SAXO2: variants seen among roughly 807,000 people sequenced by gnomAD.
SAXO2 encodes family with sequence similarity 154, member B.
Under a neutral mutation model 18.7 loss-of-function variants are expected in SAXO2, and 17 were observed. The observed-to-expected ratio is 0.91, with a 90% CI of 0.62 to 1.36. The LOEUF (loss-of-function observed/expected upper bound fraction) is 1.36. Among genes scored for constraint, SAXO2 ranks in the 40% most tolerant of loss-of-function variants. SAXO2 has a pLI of 0.00. For missense variants in SAXO2, 486 were observed against 562.6 expected, an observed-to-expected ratio of 0.86 and a Z score of 1.38; for synonymous variants, 163 against 181.2, an observed-to-expected ratio of 0.90 and a Z score of 0.81.
rs773608170 is a variant in SAXO2 at position 82,282,162 on chromosome 15, G to GC, written c.479dup (p.Glu161ArgfsTer20). The GC allele has an allele frequency of 6.1e-4, 990 of 1,613,718 alleles. 1 individual carries two copies. The highest frequency in any genetic ancestry group is 7.8e-4 in the Non-Finnish European group (918 of 1,179,862). ...ACCTTCATAAAAGTGAACTTTATAAGCCAGAACAAACTTACCACCCGCCTA... is the reference window on the plus strand; with the variant it reads ...ACCTTCATAAAAGTGAACTTTATAAGCCCAGAACAAACTTACCACCCGCCTA... On this transcript the variant is annotated frameshift_variant, in exon 4 of 4. Transcript: ENST00000682753. LOFTEE classifies it low-confidence loss of function (END_TRUNC).
At chr15:82,269,991 A>G (rs528057908) in intron 2 of SAXO2, among the ~76,000 whole-genome samples, 5 of 152,182 alleles carry the variant, frequency 3.3e-5, no homozygotes, top group Admixed American at 6.5e-5. Context: ...AAAGGACCAC[A>G]TTTATTGAGG....
At chr15:82,266,719 G>A (rs913388807) in intron 2 of SAXO2, among the ~76,000 whole-genome samples, 5 of 152,098 alleles carry the variant, frequency 3.3e-5, no homozygotes, top group Admixed American at 6.5e-5. Flanking sequence ...TTTCAGATTA[G>A]GTAAAATTCT....
At chr15:82,279,568 G>A (rs1244124627) in intron 3 of SAXO2, among the ~76,000 whole-genome samples, 4 of 152,200 alleles carry the variant, frequency 2.6e-5, no homozygotes, top group African/African-American at 9.6e-5. Context: ...GGTGTTTGAA[G>A]GGAGGTCTGA....
intron 3 of SAXO2, among the ~76,000 whole-genome samples, chr15:82,274,743 G>C (rs1279501573): frequency 2.0e-5 from 3 of 149,504 alleles, no homozygotes; most frequent in African/African-American, 7.4e-5. Flanking sequence ...TAAAAATAGA[G>C]ACACAACATA....
chr15:82,275,685 A>G (rs139703096), intron 3 of SAXO2, among the ~76,000 whole-genome samples: 2,718 of 152,324 alleles, frequency 0.018, 82 homozygotes, highest in African/African-American at 0.062. Context: ...TCATATGATC[A>G]TCTCAGTAGA....
In SAXO2 at chr15:82,278,801, ATAAC is replaced by A. The variant is rs1236340429; in HGVS notation, c.434-3314_434-3311del. Among the ~76,000 whole-genome samples the A allele has an allele frequency of 3.9e-5, 6 of 152,354 alleles. No individual in the cohort carries two copies. The South Asian group carries it at 8.3e-4, about 21-fold the overall frequency. On this transcript the variant is annotated intron_variant, in intron 3 of 3. Transcript: ENST00000682753. ...TGGAAATTAAACAGCAAAATCCTAA[ATAAC>A]TAATGGCTTTAAGCAAAAGTAACAA...
chr15:82,282,992 T>G lies in SAXO2; in HGVS notation c.1307T>G (p.Ile436Ser), dbSNP rs748348012. Reference sequence around the variant, plus strand: ...AGCTATCCCTCTCCTCCAGGTTATATTTTCGACAATACAAATTCCCAAGGT... The same window carrying G: ...AGCTATCCCTCTCCTCCAGGTTATAGTTTCGACAATACAAATTCCCAAGGT... ...PASYPSPPGY[I>S]FDNTNSQGHK... Residue 436 changes from isoleucine (I) to serine (S), a missense_variant, in exon 4 of 4, where the codon ATT (isoleucine) becomes AGT (serine). By Grantham distance (142) the Ile-to-Ser change is moderately radical. Transcript: ENST00000682753. 12 of 1,614,042 alleles carry G rather than the reference T, an allele frequency of 7.4e-6. No individual in the cohort carries two copies. The Admixed American group carries it at 2.0e-4, about 27-fold the overall frequency.
Position 82,274,349 on chromosome 15 carries a change from G to T in SAXO2, c.433+2547G>T, listed in dbSNP as rs192678621. 2.6e-3 allele frequency among the ~76,000 whole-genome samples: 392 copies of T among 152,088 alleles called. 11 individuals are homozygous for T. The highest frequency in any genetic ancestry group is 0.017 in the Middle Eastern group (5 of 294). On this transcript the variant is annotated intron_variant, in intron 3 of 3. Coordinates refer to ENST00000682753, the MANE Select transcript of SAXO2 (RefSeq NM_001348699.2). ...AACAAAAACACTAAGAGCCAAGGTT[G>T]TACTTCCACACTCTGTATGAATGTG...
intron 3 of SAXO2, among the ~76,000 whole-genome samples, chr15:82,273,344 T>C (rs997407542): frequency 2.6e-5 from 4 of 152,234 alleles, no homozygotes; most frequent in African/African-American, 9.6e-5. Flanking sequence ...TGAATGGATA[T>C]GTCCTAATAT....
intron 1 of SAXO2, among the ~76,000 whole-genome samples, chr15:82,264,066 TG>T (rs2075176970): frequency 7.7e-6 from 1 of 130,120 alleles, no homozygotes; most frequent in Admixed American, 7.6e-5. Flanking sequence ...ACATATGCAT[TG>T]ATTTTTTTTT....
Position 82,283,099 on chromosome 15 carries a change from T to C in SAXO2, c.*37T>C. The C allele has an allele frequency of 7.5e-7, 1 of 1,335,514 alleles. No homozygotes were observed. Among genetic ancestry groups the C allele is most frequent in the Middle Eastern group, 2.0e-4 (1 of 5,064 alleles). 82.7% of individuals were successfully genotyped at this position (1,335,514 alleles called of 1,614,324 possible). A position where few individuals can be genotyped will look rare whatever the true frequency, so the allele number is the denominator to read the frequency against. On this transcript the variant is annotated 3_prime_UTR_variant, in exon 4 of 4. Transcript: ENST00000682753. ...TGCTTAAAAGGAAGGTACTAGCAAGTTGTTGTTTTTCCAAGAGAAAACTCA... is the reference window on the plus strand; with the variant it reads ...TGCTTAAAAGGAAGGTACTAGCAAGCTGTTGTTTTTCCAAGAGAAAACTCA...
chr15:82,283,319 A>G lies in SAXO2; in HGVS notation c.*257A>G, dbSNP rs1413392878. On this transcript the variant is annotated 3_prime_UTR_variant, in exon 4 of 4. Transcript: ENST00000682753. ...CCCATGAGAACTATTTTAGTATTCA[A>G]CATACTGCTTAGTAGCTTGTCCCCA... 1.2e-5 allele frequency: 3 copies of G among 249,826 alleles called. No individual in the cohort carries two copies. The highest frequency in any genetic ancestry group is 6.8e-5 in the African/African-American group (3 of 43,940). The allele number at this position is 249,826 out of a possible 1,614,324, so 15.5% of individuals were successfully genotyped here.
chr15:82,273,782 G>C (rs1030869571), intron 3 of SAXO2, among the ~76,000 whole-genome samples: 3 of 152,054 alleles, frequency 2.0e-5, no homozygotes, highest in Non-Finnish European at 4.4e-5. Flanking sequence ...CTGTCACCCA[G>C]ACTAGAGTGT....
Position 82,283,060 on chromosome 15 carries a change from T to C in SAXO2, c.1375T>C (p.Ter459GlnextTer1). ...RKIIPAVKAF[*>Q] ...GATTATTCCTGCAGTGAAGGCCTTC[T>C]AATAACCAAAATGTGCTTAAAAGGA... The change falls in exon 4 of 4, where the codon TAA becomes CAA. Residue 459 changes from the stop codon to glutamine (Q), a stop_lost. Coordinates refer to ENST00000682753, the MANE Select transcript of SAXO2 (RefSeq NM_001348699.2). 1.3e-6 allele frequency: 2 copies of C among 1,598,820 alleles called. No homozygotes were observed. Among genetic ancestry groups the C allele is most frequent in the South Asian group, 1.1e-5 (1 of 87,598 alleles).
chr15:82,282,356 T>G lies in SAXO2; in HGVS notation c.671T>G (p.Phe224Cys), dbSNP rs1427339004. ...ATACCTCATCAGCTTGAACTCAAGT[T>G]TGAAAGGCCAAAAGAAGTTTACAAA... ...DYIPHQLELK[F>C]ERPKEVYKPT... The change falls in exon 4 of 4, where the codon TTT (phenylalanine) becomes TGT (cysteine). Residue 224 changes from phenylalanine (F) to cysteine (C), a missense_variant. Transcript: ENST00000682753. The G allele has an allele frequency of 1.9e-6, 3 of 1,614,062 alleles. No individual in the cohort carries two copies. The highest frequency in any genetic ancestry group is 2.5e-6 in the Non-Finnish European group (3 of 1,180,052).
At chr15:82,279,614 G>C (rs1490896000) in intron 3 of SAXO2, among the ~76,000 whole-genome samples, 1 of 152,154 alleles carries the variant, frequency 6.6e-6, no homozygotes, top group Non-Finnish European at 1.5e-5. Flanking sequence ...CCACCTTACA[G>C]GTAGTATTAA....
At chr15:82,264,078 T>G (rs970603561) in intron 1 of SAXO2, among the ~76,000 whole-genome samples, 2 of 149,490 alleles carry the variant, frequency 1.3e-5, no homozygotes, top group South Asian at 2.1e-4. Flanking sequence ...ATTTTTTTTT[T>G]TTTTTTTTTT....
In SAXO2 at chr15:82,283,125, A is replaced by G; in HGVS notation, c.*63A>G. On this transcript the variant is annotated 3_prime_UTR_variant, in exon 4 of 4. Coordinates refer to ENST00000682753, the MANE Select transcript of SAXO2 (RefSeq NM_001348699.2). ...TGTTGTTTTTCCAAGAGAAAACTCAATTTTTATAGTTAAAAAATTTATGAT... is the reference window on the plus strand; with the variant it reads ...TGTTGTTTTTCCAAGAGAAAACTCAGTTTTTATAGTTAAAAAATTTATGAT... 8.8e-7 allele frequency: 1 copy of G among 1,140,248 alleles called. No homozygotes were observed. The highest frequency in any genetic ancestry group is 3.3e-5 in the South Asian group (1 of 30,222). The allele number at this position is 1,140,248 out of a possible 1,614,324, so 70.6% of individuals were successfully genotyped here.
intron 3 of SAXO2, among the ~76,000 whole-genome samples, chr15:82,281,629 A>C (rs1469465366): frequency 6.6e-6 from 1 of 152,138 alleles, no homozygotes; most frequent in Non-Finnish European, 1.5e-5. Context: ...CCCTTTGATG[A>C]GTCTCTCCAA....
Sources: gnomAD v4.1 joint callset for allele counts (sites outside exome capture counted in the v4.1 genomes callset) on GRCh38, gnomAD v4.1.1 for gene constraint, MANE v1.5 for transcripts, NCBI Gene and HGNC (gene_info 2026-07-23, HGNC 2026-07-21) for gene names.